SPIC: variants seen among roughly 807,000 people sequenced by gnomAD.
The protein encoded by SPIC is Spi-C transcription factor.
Under a neutral mutation model 16.7 loss-of-function variants are expected in SPIC, and 9 were observed. The observed-to-expected ratio is 0.54, with a 90% confidence interval of 0.33 to 0.94. The LOEUF (loss-of-function observed/expected upper bound fraction) is 0.94. SPIC is among the 40% of genes least tolerant of loss of function. The pLI, the probability that SPIC is intolerant of heterozygous loss-of-function variation, is 0.03. For synonymous variants in SPIC, 97 were observed against 102.9 expected (o/e 0.94, Z 0.35); for missense variants, 241 against 285.8 (o/e 0.84, Z 1.13).
chr12:101,480,564 T>C (rs569345627), intron 4 of SPIC, among the ~76,000 whole-genome samples: 1 of 152,370 alleles, frequency 6.6e-6, no homozygotes, highest in Non-Finnish European at 1.5e-5. Context: ...CTTCATGGGA[T>C]GAGGTATAAA....
At chr12:101,485,052 T>C (rs1289999037) in intron 5 of SPIC, among the ~76,000 whole-genome samples, 1 of 152,298 alleles carries the variant, frequency 6.6e-6, no homozygotes, top group South Asian at 2.1e-4. Flanking sequence ...TCTCAATTCA[T>C]AAACTCAAGA....
chr12:101,482,802 C>A lies in SPIC; in HGVS notation c.221C>A (p.Ala74Glu). 6.2e-7 allele frequency: 1 copy of A among 1,613,674 alleles called. No individual in the cohort carries two copies. The highest frequency in any genetic ancestry group is 1.1e-5 in the South Asian group (1 of 91,012). ...TCATTATTTATATAGAACAGTGCTG[C>A]GGACTTCTATTTTGAAGGAAATATT... ...YNWRTVINSAADFYFEGNIHQ... is the reference protein window; with the variant it reads ...YNWRTVINSAEDFYFEGNIHQ... The change falls in exon 5 of 6, where the codon GCG becomes GAG. Residue 74 changes from alanine (A) to glutamate (E), a missense_variant. By Grantham distance (107) the Ala-to-Glu change is moderately radical. Transcript: ENST00000551346.
In SPIC at chr12:101,480,034, C is replaced by T. The variant is rs569282991; in HGVS notation, c.210+340C>T. Among the ~76,000 whole-genome samples, 6 of 152,232 alleles carry T rather than the reference C, an allele frequency of 3.9e-5. No individual in the cohort carries two copies. The South Asian group carries it at 1.2e-3, about 32-fold the overall frequency. On this transcript the variant is annotated intron_variant, in intron 4 of 5. Transcript: ENST00000551346. ...ATTTCCACATATTGGCCAGGCTGGT[C>T]TCAAACTCCTGACTTCAGGTGATCC...
rs71094503 is a variant in SPIC at position 101,479,231 on chromosome 12, A to AGAAG, written c.98-348_98-347insGGAA. Among the ~76,000 whole-genome samples, 26 of 112,294 alleles carry AGAAG rather than the reference A, an allele frequency of 2.3e-4. 1 individual carries two copies. Among genetic ancestry groups the AGAAG allele is most frequent in the Non-Finnish European group, 2.5e-4 (14 of 55,016 alleles). The allele number at this position is 112,294 out of a possible 152,430, so 73.7% of individuals were successfully genotyped here. On this transcript the variant is annotated intron_variant, in intron 3 of 5. Transcript: ENST00000551346. ...AAGAAAGAAAGAAAGAAGGAAAGAA[A>AGAAG]GAAAGAAAGAAAAAGAAAGAAAGAA...
At chr12:101,479,306 AAAAAGAAAGAAAGAAAG>A (rs1565831344) in intron 3 of SPIC, among the ~76,000 whole-genome samples, 47 of 38,438 alleles carry the variant, frequency 1.2e-3, no homozygotes, top group African/African-American at 2.3e-3. Context: ...GAAAGAAAGA[AAAAAGAAAGAAAGAAAG>A]AAAGAAAGAA....
In SPIC at chr12:101,479,207, A is replaced by G. The variant is rs182923042; in HGVS notation, c.98-375A>G. Among the ~76,000 whole-genome samples the G allele has an allele frequency of 1.8e-3, 237 of 129,148 alleles. 13 individuals carry two copies. The highest frequency in any genetic ancestry group is 7.0e-3 in the South Asian group (27 of 3,864). 84.7% of individuals were successfully genotyped at this position (129,148 alleles called of 152,430 possible). On this transcript the variant is annotated intron_variant, in intron 3 of 5. Transcript: ENST00000551346. ...AAGAAAGAAAGAAAGAAAGAAAGAA[A>G]GAAAGAAAGAAAGAAGGAAAGAAAG... is the stretch of plus-strand genomic sequence containing the variant.
At chr12:101,479,240 GAA>G (rs1268905321) in intron 3 of SPIC, among the ~76,000 whole-genome samples, 7,480 of 54,620 alleles carry the variant, frequency 0.14, 560 homozygotes, top group South Asian at 0.27. Flanking sequence ...AAGAAAGAAA[GAA>G]AAAGAAAGAA....
rs1395847641 is a variant in SPIC, at chr12:101,486,540, A to G, written c.516A>G (p.Ala172=). The change falls in exon 6 of 6, where the codon GCA becomes GCG. Residue 172 remains alanine, a synonymous_variant. Transcript: ENST00000551346. ...KTMTYQKMAR[A]LRNYGRSGEI... is the part of the protein sequence containing the mutation. ...TGACTTACCAGAAAATGGCCAGGGC[A>G]CTCAGAAATTACGGAAGAAGTGGGG... 1 of 1,614,212 alleles carries G rather than the reference A, an allele frequency of 6.2e-7. No individual in the cohort carries two copies. The highest frequency in any genetic ancestry group is 8.5e-7 in the Non-Finnish European group (1 of 1,180,038).
intron 4 of SPIC, among the ~76,000 whole-genome samples, chr12:101,481,613 G>A (rs1008689312): frequency 6.6e-5 from 10 of 151,440 alleles, no homozygotes; most frequent in African/African-American, 9.7e-5. Flanking sequence ...AGGTTCAAGC[G>A]ATTCTCCTGC....
rs58442228 is a variant in SPIC, at chr12:101,483,086, G to GTTTTTTTT, written c.319+196_319+203dup. Reference sequence around the variant, plus strand: ...ATTCATCTTGGGTGAGACTTCCTGTGTTTTTTTTTTTTTTTTTCTGAGACA... The same window carrying GTTTTTTTT: ...ATTCATCTTGGGTGAGACTTCCTGTGTTTTTTTTTTTTTTTTTTTTTTTTTCTGAGACA... On this transcript the variant is annotated intron_variant, in intron 5 of 5. Coordinates refer to ENST00000551346, the MANE Select transcript of SPIC (RefSeq NM_152323.3). Among the ~76,000 whole-genome samples, 3 of 129,096 alleles carry GTTTTTTTT rather than the reference G, an allele frequency of 2.3e-5. 1 individual carries two copies. Among genetic ancestry groups the GTTTTTTTT allele is most frequent in the African/African-American group, 5.7e-5 (2 of 34,840 alleles). The allele number at this position is 129,096 out of a possible 152,430, so 84.7% of individuals were successfully genotyped here. A position where few individuals can be genotyped will look rare whatever the true frequency, so the allele number is the denominator to read the frequency against.
intron 4 of SPIC, among the ~76,000 whole-genome samples, chr12:101,482,232 CAAA>C (rs563196977): frequency 3.0e-5 from 4 of 131,308 alleles, no homozygotes; most frequent in African/African-American, 2.8e-5. Context: ...AACTCTGTCT[CAAA>C]AAAAAAAAAA....
At position 101,486,648 on chromosome 12, in the gene SPIC, G is replaced by A. The variant is rs370542794; in HGVS notation, c.624G>A (p.Gly208=). 1.2e-6 allele frequency: 2 copies of A among 1,613,822 alleles called. No individual in the cohort carries two copies. Among genetic ancestry groups the A allele is most frequent in the African/African-American group, 1.3e-5 (1 of 74,910 alleles). The change falls in exon 6 of 6, where the codon GGG becomes GGA. Residue 208 remains glycine (G), a synonymous_variant. Coordinates refer to ENST00000551346, the MANE Select transcript of SPIC (RefSeq NM_152323.3). ...LQRLSPSYFL[G]KEIFYSQCVQ... ...GACTCTCTCCATCCTATTTCCTGGG[G>A]AAAGAGATCTTCTATTCACAGTGTG...
intron 3 of SPIC, among the ~76,000 whole-genome samples, chr12:101,478,966 G>GTC (rs1873048033): frequency 6.6e-6 from 1 of 151,458 alleles, no homozygotes; most frequent in African/African-American, 2.4e-5. Flanking sequence ...GCAAAACCCT[G>GTC]TCTCTACAAA....
intron 4 of SPIC, among the ~76,000 whole-genome samples, chr12:101,481,504 C>T (rs893369133): frequency 6.6e-6 from 1 of 150,832 alleles, no homozygotes; most frequent in African/African-American, 2.4e-5. Flanking sequence ...CCACCACCCA[C>T]AGCTAATTTT....
intron 3 of SPIC, among the ~76,000 whole-genome samples, chr12:101,478,268 T>C (rs1371906749): frequency 6.6e-6 from 1 of 152,120 alleles, no homozygotes; most frequent in African/African-American, 2.4e-5. Context: ...CCTGACCTCG[T>C]GATCCGCCCA....
rs1487752157 is a variant in SPIC, at chr12:101,479,668, C to G, written c.184C>G (p.Pro62Ala). ...SCYGVLPTEE[P>A]VYNWRTVINS... ...CTATGGAGTGTTGCCTACAGAGGAG[C>G]CTGTCTATAATTGGAGAACGGTAAT... is the stretch of plus-strand genomic sequence containing the variant. The change falls in exon 4 of 6, where the codon CCT becomes GCT. Residue 62 changes from proline to alanine, a missense_variant. Coordinates refer to ENST00000551346, the MANE Select transcript of SPIC (RefSeq NM_152323.3). The G allele has an allele frequency of 3.1e-6, 5 of 1,613,316 alleles. No individual in the cohort carries two copies. The South Asian group carries it at 5.5e-5, about 18-fold the overall frequency.
At chr12:101,484,075 G>A (rs1873290493) in intron 5 of SPIC, among the ~76,000 whole-genome samples, 1 of 151,194 alleles carries the variant, frequency 6.6e-6, no homozygotes, top group Admixed American at 6.6e-5. Context: ...TATACTCATG[G>A]TAAAAGACTC....
At chr12:101,478,153 T>C (rs536174315) in intron 3 of SPIC, among the ~76,000 whole-genome samples, 162 of 148,204 alleles carry the variant, frequency 1.1e-3, no homozygotes, top group African/African-American at 3.9e-3. Context: ...TGCCTCAGCC[T>C]CCCGAGTAGC....
At chr12:101,482,187 G>A (rs1008240444) in intron 4 of SPIC, among the ~76,000 whole-genome samples, 2 of 150,180 alleles carry the variant, frequency 1.3e-5, no homozygotes, top group South Asian at 2.1e-4. Flanking sequence ...AGCCAAGATC[G>A]CGCCATTGCA....
Sources: allele counts gnomAD v4.1 joint callset (sites outside exome capture counted in the v4.1 genomes callset), GRCh38; gene constraint gnomAD v4.1.1; transcripts MANE v1.5; gene names NCBI Gene and HGNC (gene_info 2026-07-23, HGNC 2026-07-21).